THSD4: variants seen among roughly 807,000 people sequenced by gnomAD.
The protein encoded by THSD4 is thrombospondin type 1 domain containing 4.
In THSD4, 69 loss-of-function variants were observed where a neutral mutation model predicts 119.0. The observed-to-expected ratio is 0.58, with a 90% confidence interval of 0.48 to 0.71. The LOEUF (loss-of-function observed/expected upper bound fraction) is 0.71, where lower values mean the gene tolerates loss of function less well. THSD4 is among the 30% of genes least tolerant of loss of function. The probability of loss-of-function intolerance (pLI) is 0.00; values close to 1 mark genes in which losing one functional copy is unlikely to be tolerated. For synonymous variants in THSD4, 524 were observed against 540.4 expected (o/e 0.97, Z 0.42); for missense variants, 1,393 against 1,391.1 (o/e 1.00, Z -0.02).
intron 7 of THSD4, among the ~76,000 whole-genome samples, chr15:71,597,130 G>C (rs1477189245): frequency 6.6e-6 from 1 of 151,728 alleles, no homozygotes; most frequent in Non-Finnish European, 1.5e-5. Context: ...CTTGTTTCTG[G>C]GTGGGGCCAT....
chr15:71,469,260 C>T (rs1461241861), intron 7 of THSD4, among the ~76,000 whole-genome samples: 1 of 152,146 alleles, frequency 6.6e-6, no homozygotes, highest in African/African-American at 2.4e-5. Context: ...TGTTGCACTG[C>T]CCAGGCCCTA....
At chr15:71,173,250 A>G (rs2043401290) in intron 3 of THSD4, among the ~76,000 whole-genome samples, 1 of 152,128 alleles carries the variant, frequency 6.6e-6, no homozygotes, top group East Asian at 1.9e-4. Context: ...AAAAGCAAAT[A>G]AAGTAAACAA....
chr15:71,724,266 G>GATATATATATATATATATATATATATAT (rs144736427), intron 8 of THSD4, among the ~76,000 whole-genome samples: 15 of 74,558 alleles, frequency 2.0e-4, no homozygotes, highest in South Asian at 9.5e-4. Context: ...TCTATGATGG[G>GATATATATATATATATATATATATATAT]ATATATATAT....
At chr15:71,137,239 C>T (rs2040559867) in intron 1 of THSD4, among the ~76,000 whole-genome samples, 1 of 152,190 alleles carries the variant, frequency 6.6e-6, no homozygotes, top group Admixed American at 6.5e-5. Context: ...TCGGTGCACC[C>T]TTGCCAGACG....
intron 7 of THSD4, among the ~76,000 whole-genome samples, chr15:71,577,629 C>G (rs898895109): frequency 5.3e-5 from 8 of 152,142 alleles, no homozygotes; most frequent in Non-Finnish European, 1.2e-4. Flanking sequence ...CTAAAACTTT[C>G]ACTTGATGCC....
chr15:71,379,821 T>TA (rs998649336), intron 6 of THSD4, among the ~76,000 whole-genome samples: 13 of 151,552 alleles, frequency 8.6e-5, no homozygotes, highest in East Asian at 7.7e-4. Flanking sequence ...TGTTGTTGTT[T>TA]AAAAAAAAAC....
intron 6 of THSD4, among the ~76,000 whole-genome samples, chr15:71,336,302 C>T (rs1164962627): frequency 6.6e-6 from 1 of 152,158 alleles, no homozygotes; most frequent in Non-Finnish European, 1.5e-5. Context: ...TACATTAATA[C>T]CCTTTATTAT....
intron 7 of THSD4, among the ~76,000 whole-genome samples, chr15:71,597,647 C>T (rs1003832552): frequency 2.0e-5 from 3 of 152,186 alleles, no homozygotes; most frequent in Admixed American, 2.0e-4. Flanking sequence ...GGTCAAACCA[C>T]CTAGTTCTGA....
intron 7 of THSD4, among the ~76,000 whole-genome samples, chr15:71,546,190 G>C (rs185841846): frequency 6.6e-6 from 1 of 152,100 alleles, no homozygotes; most frequent in Non-Finnish European, 1.5e-5. Context: ...CACATGAAGA[G>C]TTTGAAGTAC....
chr15:71,212,392 A>T (rs773857697), intron 3 of THSD4, among the ~76,000 whole-genome samples: 4 of 152,286 alleles, frequency 2.6e-5, no homozygotes, highest in Non-Finnish European at 5.9e-5. Flanking sequence ...GACCTGCCCA[A>T]TTTGGCAATA....
rs1567154739 is a variant in THSD4 at position 71,199,672 on chromosome 15, GA to G, written c.100-15362del. 5.1e-3 allele frequency among the ~76,000 whole-genome samples: 137 copies of G among 27,022 alleles called. 5 individuals carry two copies. The highest frequency in any genetic ancestry group is 0.019 in the African/African-American group (128 of 6,888). 17.7% of individuals were successfully genotyped at this position (27,022 alleles called of 152,430 possible). The stretch of plus-strand genomic sequence containing the variant: ...GGTGTGTGTGTGTGATGCATGTGTG[GA>G]GGGTGTGTGTGTGTGTGGTGTGTGT... On this transcript the variant is annotated intron_variant, in intron 3 of 17. Transcript: ENST00000261862.
chr15:71,526,673 G>A (rs534522990), intron 7 of THSD4, among the ~76,000 whole-genome samples: 3 of 152,330 alleles, frequency 2.0e-5, no homozygotes, highest in East Asian at 1.9e-4. Context: ...TGCAAATGTC[G>A]AGACTTTGAT....
In THSD4 at chr15:71,782,735, C is replaced by T. The variant is rs1394149765; in HGVS notation, c.*5361C>T. ...TTAAGATCAAATATAAATTACTCTG[C>T]TTTTCGACTCATTCAGGTAGCATTG... On this transcript the variant is annotated 3_prime_UTR_variant, in exon 18 of 18. Transcript: ENST00000261862. 6.6e-6 allele frequency: 1 copy of T among 152,220 alleles called. No individual in the cohort carries two copies. Among genetic ancestry groups the T allele is most frequent in the African/African-American group, 2.4e-5 (1 of 41,436 alleles). 9.4% of individuals were successfully genotyped at this position (152,220 alleles called of 1,614,324 possible). A position where few individuals can be genotyped will look rare whatever the true frequency, so the allele number is the denominator to read the frequency against.
intron 7 of THSD4, among the ~76,000 whole-genome samples, chr15:71,435,592 G>T (rs553746703): frequency 2.0e-5 from 3 of 152,298 alleles, no homozygotes; most frequent in South Asian, 2.1e-4. Flanking sequence ...GGCAAAATTG[G>T]CATCTTTTTT....
chr15:71,619,400 A>G (rs1454892368), intron 7 of THSD4, among the ~76,000 whole-genome samples: 1 of 152,224 alleles, frequency 6.6e-6, no homozygotes. Flanking sequence ...CTGCGGACCC[A>G]GGAGAGCCAG....
intron 8 of THSD4, among the ~76,000 whole-genome samples, chr15:71,721,906 G>C (rs1247118568): frequency 6.6e-6 from 1 of 151,200 alleles, no homozygotes; most frequent in East Asian, 2.0e-4. Context: ...GAGCCCAGGA[G>C]TTCGAGGTTA....
intron 7 of THSD4, among the ~76,000 whole-genome samples, chr15:71,573,775 A>T (rs1455711952): frequency 6.6e-6 from 1 of 152,170 alleles, no homozygotes; most frequent in Non-Finnish European, 1.5e-5. Flanking sequence ...AAATGTCAAT[A>T]TGAGCTCTGA....
intron 4 of THSD4, among the ~76,000 whole-genome samples, chr15:71,233,580 A>C (rs541800866): frequency 6.6e-6 from 1 of 152,182 alleles, no homozygotes; most frequent in African/African-American, 2.4e-5. Context: ...AGAGCTTTCT[A>C]TATCAGTATA....
chr15:71,402,838 G>A lies in THSD4; in HGVS notation c.1016-8849G>A, dbSNP rs528957586. ...TAGTGAAGCATCCACTACATATGCC[G>A]TGATTATATTTCCTTTCCTGAAATC... On this transcript the variant is annotated intron_variant, in intron 6 of 17. Transcript: ENST00000261862. 6.1e-4 allele frequency among the ~76,000 whole-genome samples: 93 copies of A among 152,280 alleles called. 2 individuals carry two copies. The South Asian group carries it at 0.019, about 31-fold the overall frequency.
Sources: allele counts gnomAD v4.1 joint callset (sites outside exome capture counted in the v4.1 genomes callset), GRCh38; gene constraint gnomAD v4.1.1; transcripts MANE v1.5; gene names NCBI Gene and HGNC (gene_info 2026-07-23, HGNC 2026-07-21).